Variants in FAM13A observed in about 807,000 individuals in gnomAD.
The protein encoded by FAM13A is protein FAM13A.
FAM13A carries 76 observed loss-of-function variants against 129.6 expected under a neutral mutation model. The observed-to-expected ratio is 0.59, with a 90% CI of 0.49 to 0.71. The LOEUF (loss-of-function observed/expected upper bound fraction) is 0.71. Ranked by LOEUF, FAM13A falls within the 30% of genes least tolerant of loss-of-function variation. FAM13A has a pLI of 0.00. For missense variants in FAM13A, 1,108 were observed against 1,249.3 expected, an observed-to-expected ratio of 0.89 and a Z score of 1.70; for synonymous variants, 443 against 449.9, an observed-to-expected ratio of 0.98 and a Z score of 0.20.
intron 1 of FAM13A, among the ~76,000 whole-genome samples, chr4:89,042,130 T>C (rs17768938): frequency 0.059 from 7,179 of 122,614 alleles, 259 homozygotes; most frequent in Admixed American, 0.091. Context: ...GCTGGGACCA[T>C]CAGAAAAACT....
chr4:88,809,392 T>C (rs2149770748), intron 7 of FAM13A, among the ~76,000 whole-genome samples: 1 of 152,264 alleles, frequency 6.6e-6, no homozygotes, highest in South Asian at 2.1e-4. Context: ...TCTAAGTGGT[T>C]TGAGACAGAA....
At chr4:88,850,180 T>C (rs116550387) in intron 7 of FAM13A, among the ~76,000 whole-genome samples, 2,035 of 152,272 alleles carry the variant, frequency 0.013, 45 homozygotes, top group African/African-American at 0.047. Flanking sequence ...AATTATATAA[T>C]TTCTGGAATT....
At chr4:89,035,858 C>A (rs548617421) in intron 1 of FAM13A, among the ~76,000 whole-genome samples, 1 of 152,180 alleles carries the variant, frequency 6.6e-6, no homozygotes, top group African/African-American at 2.4e-5. Flanking sequence ...CCTGTACAGC[C>A]TGCAGAACTG....
chr4:88,825,227 T>G (rs915078295), intron 7 of FAM13A, among the ~76,000 whole-genome samples: 16 of 149,570 alleles, frequency 1.1e-4, no homozygotes, highest in Non-Finnish European at 1.6e-4. Flanking sequence ...TTTTTTTTTT[T>G]GGGGGGGGGA....
intron 7 of FAM13A, among the ~76,000 whole-genome samples, chr4:88,837,611 G>C (rs1735043026): frequency 6.6e-6 from 1 of 151,096 alleles, no homozygotes; most frequent in Non-Finnish European, 1.5e-5. Flanking sequence ...CCAGCTACTT[G>C]GGAGGCTGAG....
chr4:88,944,937 T>C (rs1021599166), intron 4 of FAM13A, among the ~76,000 whole-genome samples: 3 of 152,004 alleles, frequency 2.0e-5, no homozygotes, highest in Non-Finnish European at 4.4e-5. Flanking sequence ...TGAGATCCCT[T>C]GTCAAAATTC....
chr4:88,934,263 T>G (rs1753507462), intron 5 of FAM13A, among the ~76,000 whole-genome samples: 1 of 152,190 alleles, frequency 6.6e-6, no homozygotes, highest in South Asian at 2.1e-4. Flanking sequence ...ATACTACATA[T>G]TTTCTTTTCT....
intron 21 of FAM13A, among the ~76,000 whole-genome samples, chr4:88,734,693 G>T (rs187138888): frequency 6.6e-6 from 1 of 152,298 alleles, no homozygotes; most frequent in East Asian, 1.9e-4. Context: ...AGGGGTGGTG[G>T]TGCCACACTA....
chr4:88,802,442 A>C (rs1444712885), intron 8 of FAM13A, among the ~76,000 whole-genome samples: 1 of 151,664 alleles, frequency 6.6e-6, no homozygotes, highest in Non-Finnish European at 1.5e-5. Context: ...TTCTGAAATT[A>C]GAGATGACAG....
chr4:89,048,137 T>G (rs1030321716), intron 1 of FAM13A, among the ~76,000 whole-genome samples: 1 of 152,142 alleles, frequency 6.6e-6, no homozygotes, highest in African/African-American at 2.4e-5. Flanking sequence ...CCTAGGTACC[T>G]ACCCAAAAGA....
At chr4:89,032,004 G>C (rs947077171) in intron 1 of FAM13A, among the ~76,000 whole-genome samples, 6 of 152,042 alleles carry the variant, frequency 3.9e-5, no homozygotes, top group Non-Finnish European at 5.9e-5. Context: ...CGGATCATGA[G>C]GTCAGGAGAT....
chr4:88,918,070 T>C (rs2148700821), intron 5 of FAM13A, among the ~76,000 whole-genome samples: 1 of 152,354 alleles, frequency 6.6e-6, no homozygotes, highest in African/African-American at 2.4e-5. Flanking sequence ...AAGTCTGGTT[T>C]GTAGAAATTC....
chr4:88,989,433 C>G (rs1261345853), intron 4 of FAM13A, among the ~76,000 whole-genome samples: 1 of 152,110 alleles, frequency 6.6e-6, no homozygotes, highest in African/African-American at 2.4e-5. Context: ...GAAACCCCGT[C>G]TCTACAAAAA....
chr4:88,789,880 G>A (rs1423243488), intron 9 of FAM13A, among the ~76,000 whole-genome samples: 1 of 152,112 alleles, frequency 6.6e-6, no homozygotes, highest in African/African-American at 2.4e-5. Context: ...GCAGCAATAA[G>A]GTTGGCCCTC....
intron 19 of FAM13A, among the ~76,000 whole-genome samples, chr4:88,743,510 G>T (rs1740659124): frequency 6.6e-6 from 1 of 152,164 alleles, no homozygotes; most frequent in Non-Finnish European, 1.5e-5. Flanking sequence ...ACCAGAGAGG[G>T]TAATGATTTG....
intron 1 of FAM13A, among the ~76,000 whole-genome samples, chr4:89,046,022 C>A (rs1341551682): frequency 9.1e-6 from 1 of 110,144 alleles, no homozygotes; most frequent in Non-Finnish European, 1.9e-5. Context: ...GAAACTCCAT[C>A]TCAAAAAAAA....
intron 6 of FAM13A, among the ~76,000 whole-genome samples, chr4:88,864,769 A>G (rs537659383): frequency 6.6e-6 from 1 of 152,316 alleles, no homozygotes; most frequent in South Asian, 2.1e-4. Flanking sequence ...AGCATGTGCT[A>G]TTTTTAATAG....
At chr4:88,924,890 C>T (rs1301223525) in intron 5 of FAM13A, among the ~76,000 whole-genome samples, 1 of 151,670 alleles carries the variant, frequency 6.6e-6, no homozygotes, top group African/African-American at 2.4e-5. Context: ...AAAAAGTGGG[C>T]AAAGGATATG....
intron 6 of FAM13A, among the ~76,000 whole-genome samples, chr4:88,862,102 T>C (rs1260269036): frequency 2.0e-5 from 3 of 152,236 alleles, no homozygotes; most frequent in East Asian, 1.9e-4. Flanking sequence ...ATTAGACTTA[T>C]TTCTGCACTC....
Sources: gnomAD v4.1 joint callset for allele counts (sites outside exome capture counted in the v4.1 genomes callset) on GRCh38, gnomAD v4.1.1 for gene constraint, MANE v1.5 for transcripts, NCBI Gene and HGNC (gene_info 2026-07-23, HGNC 2026-07-21) for gene names.